STRN3: variants seen among roughly 807,000 people sequenced by gnomAD.
STRN3 encodes the protein striatin-3.
In STRN3, 29 loss-of-function variants were observed where a neutral mutation model predicts 95.6. The observed-to-expected ratio is 0.30, with a 90% CI of 0.23 to 0.41. The LOEUF is 0.41. Ranked by LOEUF, STRN3 falls within the 10% of genes least tolerant of loss-of-function variation. STRN3 has a pLI of 1.00. For synonymous variants in STRN3, 331 were observed against 357.6 expected, an observed-to-expected ratio of 0.93 and a Z score of 0.84; for missense variants, 890 against 972.1, an observed-to-expected ratio of 0.92 and a Z score of 1.12.
At chr14:30,992,922 T>G (rs1011597988) in intron 1 of STRN3, among the ~76,000 whole-genome samples, 3 of 152,150 alleles carry the variant, frequency 2.0e-5, no homozygotes, top group African/African-American at 7.2e-5. Flanking sequence ...ACTACTGGGC[T>G]CAAGTGATCC....
chr14:30,899,278 C>T (rs1213536909), intron 16 of STRN3, among the ~76,000 whole-genome samples: 1 of 152,210 alleles, frequency 6.6e-6, no homozygotes, highest in African/African-American at 2.4e-5. Context: ...GTCTTTCAGA[C>T]ACAGTATAGG....
At chr14:30,953,074 A>G (rs1354234808) in intron 3 of STRN3, among the ~76,000 whole-genome samples, 1 of 152,194 alleles carries the variant, frequency 6.6e-6, no homozygotes, top group Admixed American at 6.5e-5. Flanking sequence ...AGATTAACAT[A>G]AAAAATGACT....
chr14:30,929,551 A>G (rs1878374778), intron 7 of STRN3, among the ~76,000 whole-genome samples: 1 of 152,148 alleles, frequency 6.6e-6, no homozygotes, highest in African/African-American at 2.4e-5. Flanking sequence ...ATGAACCACA[A>G]ATTTGAAGGT....
intron 1 of STRN3, among the ~76,000 whole-genome samples, chr14:30,987,799 G>A (rs1009878988): frequency 2.9e-4 from 44 of 151,116 alleles, no homozygotes; most frequent in South Asian, 6.3e-4. Context: ...GTGCAGTGGC[G>A]CGCGGTCTTG....
intron 7 of STRN3, among the ~76,000 whole-genome samples, chr14:30,932,778 T>A (rs2139063690): frequency 6.6e-6 from 1 of 152,318 alleles, no homozygotes; most frequent in African/African-American, 2.4e-5. Flanking sequence ...ATTCCTGAGT[T>A]TTTTCTTTAT....
intron 7 of STRN3, among the ~76,000 whole-genome samples, chr14:30,929,748 C>G (rs1752881506): frequency 6.6e-6 from 1 of 151,796 alleles, no homozygotes; most frequent in South Asian, 2.1e-4. Flanking sequence ...TGAAAATATT[C>G]ATGCACCTTC....
In STRN3 at chr14:30,999,129, G is replaced by A. The variant is rs547089108; in HGVS notation, c.282+26775C>T. Among the ~76,000 whole-genome samples the A allele has an allele frequency of 7.2e-5, 11 of 152,192 alleles. No individual in the cohort carries two copies. In the South Asian group the frequency reaches 1.5e-3, roughly 20 times the overall value. The stretch of plus-strand genomic sequence containing the variant: ...AGGCTGGGTGCCACACTGTAGCCTC[G>A]CCCTCCTAGGCTCAACCAATTCTCC... On this transcript the variant is annotated intron_variant, in intron 1 of 17. Transcript: ENST00000357479.
chr14:31,006,899 C>A (rs1461342865), intron 1 of STRN3, among the ~76,000 whole-genome samples: 1 of 151,570 alleles, frequency 6.6e-6, no homozygotes, highest in Non-Finnish European at 1.5e-5. Flanking sequence ...CATGCTTGAA[C>A]CCAGGAAGTC....
chr14:30,974,607 C>CCA (rs1555322944), intron 1 of STRN3, among the ~76,000 whole-genome samples: 2 of 120,680 alleles, frequency 1.7e-5, no homozygotes, highest in African/African-American at 6.5e-5. Context: ...AGCATAACTA[C>CCA]AAAAAAAAAA....
chr14:31,025,935 G>A lies in STRN3; in HGVS notation c.251C>T (p.Ala84Val). Residue 84 changes from alanine to valine, a missense_variant, in exon 1 of 18, where the codon GCG becomes GTG. Transcript: ENST00000357479. ...HEWARFEMER[A>V]HWEVERAELQ... ...TTCGGCCCGTTCCACCTCCCAGTGCGCCCGCTCCATCTCGAACCGAGCCCA... is the reference window on the plus strand; with the variant it reads ...TTCGGCCCGTTCCACCTCCCAGTGCACCCGCTCCATCTCGAACCGAGCCCA... The A allele has an allele frequency of 6.2e-7, 1 of 1,600,388 alleles. No individual in the cohort carries two copies. Among genetic ancestry groups the A allele is most frequent in the Non-Finnish European group, 8.5e-7 (1 of 1,173,928 alleles).
intron 15 of STRN3, 68 bp downstream of exon 15, chr14:30,905,350 C>A: frequency 1.4e-6 from 2 of 1,379,516 alleles, no homozygotes; most frequent in Non-Finnish European, 9.5e-7. Flanking sequence ...TGAAAATTAG[C>A]TAAAAGATCA....
At chr14:31,009,182 T>A (rs996168743) in intron 1 of STRN3, among the ~76,000 whole-genome samples, 3 of 152,170 alleles carry the variant, frequency 2.0e-5, no homozygotes, top group African/African-American at 4.8e-5. Context: ...CCAACAATTA[T>A]TGACTGCAAC....
chr14:30,929,966 A>AAAAAAAAAAAAAAAAAC lies in STRN3; in HGVS notation c.989-656_989-655insGTTTTTTTTTTTTTTTT, dbSNP rs1555317368. On this transcript the variant is annotated intron_variant, in intron 7 of 17. Transcript: ENST00000357479. ...CAACTAAGATTAGCAAAAAAAAAAAAAAAAAAAAAAAAACTCAAATTCCAC... is the reference window on the plus strand; with the variant it reads ...CAACTAAGATTAGCAAAAAAAAAAAAAAAAAAAAAAAAAAAACAAAAAAAAAAAAACTCAAATTCCAC... 1.9e-3 allele frequency among the ~76,000 whole-genome samples: 208 copies of AAAAAAAAAAAAAAAAAC among 108,264 alleles called. 4 individuals carry two copies. Among genetic ancestry groups the AAAAAAAAAAAAAAAAAC allele is most frequent in the Non-Finnish European group, 3.0e-3 (166 of 55,680 alleles). The allele number at this position is 108,264 out of a possible 152,430, so 71.0% of individuals were successfully genotyped here.
chr14:30,945,305 C>T (rs1239472547), intron 5 of STRN3, among the ~76,000 whole-genome samples: 2 of 152,118 alleles, frequency 1.3e-5, no homozygotes, highest in African/African-American at 4.8e-5. Context: ...AACCCACATA[C>T]CCATCACCTA....
At chr14:30,914,812 T>C (rs1276375011) in intron 9 of STRN3, among the ~76,000 whole-genome samples, 1 of 152,254 alleles carries the variant, frequency 6.6e-6, no homozygotes, top group East Asian at 1.9e-4. Context: ...TGAGCTTCAC[T>C]TAGTTTTCTC....
chr14:31,004,987 A>C (rs1452392326), intron 1 of STRN3, among the ~76,000 whole-genome samples: 7 of 152,044 alleles, frequency 4.6e-5, no homozygotes, highest in Non-Finnish European at 8.8e-5. Context: ...TAAAGGGAAA[A>C]AGTGGGCTAA....
intron 1 of STRN3, among the ~76,000 whole-genome samples, chr14:30,985,100 T>C (rs1191478943): frequency 3.3e-5 from 5 of 151,664 alleles, no homozygotes; most frequent in African/African-American, 1.2e-4. Context: ...GTGGATCACC[T>C]GAGGTCAGGA....
At chr14:30,955,014 G>A (rs1473260488) in intron 3 of STRN3, among the ~76,000 whole-genome samples, 1 of 151,586 alleles carries the variant, frequency 6.6e-6, no homozygotes, top group Non-Finnish European at 1.5e-5. Flanking sequence ...ATCATGGCTC[G>A]GAAAAAGTAG....
At chr14:30,896,662 A>G (rs950682906) in intron 16 of STRN3, among the ~76,000 whole-genome samples, 6 of 152,194 alleles carry the variant, frequency 3.9e-5, no homozygotes, top group Non-Finnish European at 7.3e-5. Context: ...AACAATAAAT[A>G]AATCACCAGA....
Sources: gnomAD v4.1 joint callset for allele counts (sites outside exome capture counted in the v4.1 genomes callset) on GRCh38, gnomAD v4.1.1 for gene constraint, MANE v1.5 for transcripts, NCBI Gene and HGNC (gene_info 2026-07-23, HGNC 2026-07-21) for gene names.